Variants in SUZ12 observed in about 807,000 individuals in gnomAD.
SUZ12 encodes the protein SUZ12 polycomb repressive complex 2 subunit.
In SUZ12, 17 loss-of-function variants were observed where a neutral mutation model predicts 87.3. The ratio of observed to expected loss-of-function variants is 0.19; its 90% CI spans 0.13 to 0.29. The LOEUF (loss-of-function observed/expected upper bound fraction) is 0.29. Among genes scored for constraint, SUZ12 ranks in the 10% least tolerant of loss-of-function variants. The pLI is 1.00. For synonymous variants in SUZ12, 253 were observed against 312.4 expected (o/e 0.81, Z 2.01); for missense variants, 526 against 912.2 (o/e 0.58, Z 5.45).
chr17:31,974,936 G>GT (rs1003215924), intron 6 of SUZ12, among the ~76,000 whole-genome samples: 1 of 151,322 alleles, frequency 6.6e-6, no homozygotes, highest in African/African-American at 2.4e-5. Context: ...TTTTGTTTTT[G>GT]TTTTTTTAAG....
Position 31,947,284 on chromosome 17 carries a change from A to G in SUZ12, c.387-333A>G, listed in dbSNP as rs150431883. Among the ~76,000 whole-genome samples, 510 of 152,334 alleles carry G rather than the reference A, an allele frequency of 3.3e-3. 4 individuals carry two copies. The highest frequency in any genetic ancestry group is 7.5e-3 in the Admixed American group (115 of 15,290). On this transcript the variant is annotated intron_variant, in intron 3 of 15. Coordinates refer to ENST00000322652, the MANE Select transcript of SUZ12 (RefSeq NM_015355.4). Reference sequence around the variant, plus strand: ...CTAGTAGGAGAAATAAAATATTTACATGAGTTTTACGTGTAGGAAACTGAA... The same window carrying G: ...CTAGTAGGAGAAATAAAATATTTACGTGAGTTTTACGTGTAGGAAACTGAA...
intron 4 of SUZ12, among the ~76,000 whole-genome samples, chr17:31,954,561 C>T (rs1337913767): frequency 1.3e-5 from 2 of 150,436 alleles, no homozygotes; most frequent in African/African-American, 5.0e-5. Flanking sequence ...GGATGAAGGC[C>T]CTGCCTTTAT....
At chr17:31,970,835 C>G (rs1181855496) in intron 5 of SUZ12, among the ~76,000 whole-genome samples, 1 of 151,876 alleles carries the variant, frequency 6.6e-6, no homozygotes, top group Non-Finnish European at 1.5e-5. Flanking sequence ...AATGTGTTGC[C>G]CAGTGCCTTA....
chr17:31,998,613 A>C, intron 15 of SUZ12, 45 bp from the exon 16 acceptor site: 1 of 1,416,130 alleles, frequency 7.1e-7, no homozygotes, highest in Non-Finnish European at 9.4e-7. Context: ...TGCATTTGAC[A>C]AAAATGCTTT....
chr17:31,986,215 T>G (rs1909413219), intron 9 of SUZ12, among the ~76,000 whole-genome samples: 1 of 152,212 alleles, frequency 6.6e-6, no homozygotes, highest in Non-Finnish European at 1.5e-5. Flanking sequence ...GTGCTGGGAT[T>G]ACAGGTGTGA....
intron 4 of SUZ12, among the ~76,000 whole-genome samples, chr17:31,958,315 C>G (rs760736770): frequency 6.6e-6 from 1 of 151,366 alleles, no homozygotes; most frequent in Non-Finnish European, 1.5e-5. Context: ...GGATTACAGG[C>G]GTGAGCCACT....
At chr17:31,980,432 T>C (rs1909033158) in intron 8 of SUZ12, among the ~76,000 whole-genome samples, 1 of 36,300 alleles carries the variant, frequency 2.8e-5, no homozygotes, top group Admixed American at 2.4e-4. Flanking sequence ...CCTTCTCCTT[T>C]TTTTTTTTTT....
Position 31,940,539 on chromosome 17 carries a change from T to G in SUZ12, c.386+53T>G, listed in dbSNP as rs1906210197. On this transcript the variant is annotated intron_variant, in intron 3 of 15. Transcript: ENST00000322652. Reference sequence around the variant, plus strand: ...TGATCAAACCATGTTAGTTTTATTTTAAAGTACTATTTCTCAAAATTAAAA... The same window carrying G: ...TGATCAAACCATGTTAGTTTTATTTGAAAGTACTATTTCTCAAAATTAAAA... 4 of 1,507,360 alleles carry G rather than the reference T, an allele frequency of 2.7e-6. No homozygotes were observed. In the South Asian group the frequency reaches 5.2e-5, roughly 20 times the overall value. The allele number at this position is 1,507,360 out of a possible 1,614,324, so 93.4% of individuals were successfully genotyped here.
At chr17:31,971,218 T>C (rs1265419433) in intron 5 of SUZ12, among the ~76,000 whole-genome samples, 1 of 152,174 alleles carries the variant, frequency 6.6e-6, no homozygotes, top group African/African-American at 2.4e-5. Context: ...TTAATGTTTT[T>C]TGAAATCCAT....
chr17:31,941,437 A>G (rs1471177800), intron 3 of SUZ12, among the ~76,000 whole-genome samples: 2 of 151,524 alleles, frequency 1.3e-5, no homozygotes, highest in South Asian at 2.1e-4. Flanking sequence ...TTGTATTTTT[A>G]GTAGAGACAA....
rs143628805 is a variant in SUZ12, at chr17:31,993,350, C to G, written c.1293+17C>G. 7.0e-7 allele frequency: 1 copy of G among 1,420,386 alleles called. No individual in the cohort carries two copies. The highest frequency in any genetic ancestry group is 2.3e-5 in the East Asian group (1 of 42,988). The allele number at this position is 1,420,386 out of a possible 1,614,324, so 88.0% of individuals were successfully genotyped here. A position where few individuals can be genotyped will look rare whatever the true frequency, so the allele number is the denominator to read the frequency against. Reference sequence around the variant, plus strand: ...TTTTATCAGGTAAACATAGCTGACCCTTCTTAAAGTAATTATGAAATGTAT... The same window carrying G: ...TTTTATCAGGTAAACATAGCTGACCGTTCTTAAAGTAATTATGAAATGTAT... On this transcript the variant is annotated intron_variant, in intron 11 of 15. Transcript: ENST00000322652.
At chr17:31,996,920 A>G (rs759890937) in intron 15 of SUZ12, 43 bp downstream of exon 15, 2 of 1,204,074 alleles carry the variant, frequency 1.7e-6, no homozygotes, top group South Asian at 2.0e-5. Flanking sequence ...ATTATTCTTT[A>G]TGGTCTTTTG....
At chr17:31,962,453 G>A (rs1255419838) in intron 4 of SUZ12, among the ~76,000 whole-genome samples, 1 of 152,078 alleles carries the variant, frequency 6.6e-6, no homozygotes, top group African/African-American at 2.4e-5. Context: ...AGCCAGGCAT[G>A]ATGGTGCATG....
chr17:31,961,964 T>C (rs868762304), intron 4 of SUZ12, among the ~76,000 whole-genome samples: 9 of 152,222 alleles, frequency 5.9e-5, no homozygotes, highest in African/African-American at 1.7e-4. Context: ...TCACTTTCTG[T>C]AAGACACTGC....
At position 31,938,861 on chromosome 17, in the gene SUZ12, A is replaced by G. The variant is rs560597157; in HGVS notation, c.274+1341A>G. ...GCGTTCTGATGAGTCGACCTCAGGG[A>G]AGTCAAGTGTCATTAAGAGCTAGAT... On this transcript the variant is annotated intron_variant, in intron 1 of 15. Coordinates refer to ENST00000322652, the MANE Select transcript of SUZ12 (RefSeq NM_015355.4). Among the ~76,000 whole-genome samples, 82 of 152,328 alleles carry G rather than the reference A, an allele frequency of 5.4e-4. 1 individual carries two copies. Among genetic ancestry groups the G allele is most frequent in the Middle Eastern group, 6.8e-3 (2 of 294 alleles).
intron 4 of SUZ12, among the ~76,000 whole-genome samples, chr17:31,948,987 G>C (rs1032763003): frequency 2.0e-5 from 3 of 151,856 alleles, no homozygotes; most frequent in Non-Finnish European, 4.4e-5. Flanking sequence ...ACAGACTGTA[G>C]TAAGATCCTG....
At chr17:31,981,046 C>T (rs1567831650) in intron 8 of SUZ12, among the ~76,000 whole-genome samples, 1 of 151,554 alleles carries the variant, frequency 6.6e-6, no homozygotes, top group South Asian at 2.1e-4. Context: ...ACCAAAAAAT[C>T]CAGTTAATTC....
At chr17:31,988,276 T>G in intron 9 of SUZ12, 44 bp from the exon 10 acceptor site, 1 of 1,476,184 alleles carries the variant, frequency 6.8e-7, no homozygotes, top group Non-Finnish European at 9.0e-7. Flanking sequence ...TTATTTGAAT[T>G]CATTATCTGA....
chr17:31,996,025 A>G (rs1314532559), intron 14 of SUZ12, among the ~76,000 whole-genome samples: 2 of 152,172 alleles, frequency 1.3e-5, no homozygotes, highest in Non-Finnish European at 2.9e-5. Context: ...TCTGGACAGC[A>G]TGGTGAAACC....
Sources: gnomAD v4.1 joint callset for allele counts (sites outside exome capture counted in the v4.1 genomes callset) on GRCh38, gnomAD v4.1.1 for gene constraint, MANE v1.5 for transcripts, NCBI Gene and HGNC (gene_info 2026-07-23, HGNC 2026-07-21) for gene names.